PCDH7: variants seen among roughly 807,000 people sequenced by gnomAD.
PCDH7 encodes protocadherin 7.
Under a neutral mutation model 58.9 loss-of-function variants are expected in PCDH7, and 17 were observed. The observed-to-expected ratio is 0.29, with a 90% CI of 0.20 to 0.43. PCDH7 has a LOEUF of 0.43. PCDH7 is among the 20% of genes least tolerant of loss of function. The probability of loss-of-function intolerance (pLI) is 1.00; values close to 1 mark genes in which losing one functional copy is unlikely to be tolerated. For synonymous variants in PCDH7, 664 were observed against 616.4 expected, an observed-to-expected ratio of 1.08 and a Z score of -1.14; for missense variants, 1,274 against 1,441.0, an observed-to-expected ratio of 0.88 and a Z score of 1.88.
At chr4:30,851,270 G>C (rs1444911269) in intron 1 of PCDH7, among the ~76,000 whole-genome samples, 1 of 151,754 alleles carries the variant, frequency 6.6e-6, no homozygotes, top group Non-Finnish European at 1.5e-5. Flanking sequence ...ATACATTTGG[G>C]CCTGGAAATT....
At chr4:30,856,142 G>A (rs935464592) in intron 1 of PCDH7, among the ~76,000 whole-genome samples, 2 of 151,552 alleles carry the variant, frequency 1.3e-5, no homozygotes, top group African/African-American at 4.8e-5. Flanking sequence ...CCTAAATTTA[G>A]TTCATCTGAG....
intron 3 of PCDH7, among the ~76,000 whole-genome samples, chr4:31,059,448 A>G (rs1164130506): frequency 6.6e-6 from 1 of 151,978 alleles, no homozygotes; most frequent in South Asian, 2.1e-4. Flanking sequence ...GTAGAATTGT[A>G]TCAATTCAGA....
At chr4:30,922,268 G>T (rs190311248) in intron 2 of PCDH7, among the ~76,000 whole-genome samples, 1 of 151,788 alleles carries the variant, frequency 6.6e-6, no homozygotes, top group East Asian at 1.9e-4. Flanking sequence ...TAATTTAGGG[G>T]TATTACTACA....
chr4:31,055,534 T>A (rs925908952), intron 3 of PCDH7, among the ~76,000 whole-genome samples: 6 of 152,118 alleles, frequency 3.9e-5, no homozygotes, highest in African/African-American at 1.4e-4. Context: ...ACATACTAGG[T>A]CCTAGAGTTG....
intron 3 of PCDH7, among the ~76,000 whole-genome samples, chr4:31,063,478 T>G (rs961271759): frequency 6.6e-6 from 1 of 151,724 alleles, no homozygotes; most frequent in Non-Finnish European, 1.5e-5. Context: ...TGTTAGGATT[T>G]AATAAATAAT....
chr4:30,870,813 C>T (rs1735482767), intron 1 of PCDH7, among the ~76,000 whole-genome samples: 1 of 152,126 alleles, frequency 6.6e-6, no homozygotes, highest in African/African-American at 2.4e-5. Flanking sequence ...TTGGCTATGC[C>T]TCAGATTGAT....
chr4:31,122,280 T>A (rs1717783378), intron 3 of PCDH7, among the ~76,000 whole-genome samples: 1 of 152,186 alleles, frequency 6.6e-6, no homozygotes, highest in African/African-American at 2.4e-5. Flanking sequence ...AGTCCTCACT[T>A]TGACTGGACA....
chr4:30,741,072 T>C (rs1717006789), intron 1 of PCDH7, among the ~76,000 whole-genome samples: 1 of 152,188 alleles, frequency 6.6e-6, no homozygotes, highest in African/African-American at 2.4e-5. Flanking sequence ...TCTCAAAATA[T>C]GATCTTTGTA....
rs772084429 is a variant in PCDH7 at position 30,722,483 on chromosome 4, T to G, written c.1061T>G (p.Val354Gly). The change falls in exon 1 of 2, where the codon GTG becomes GGG. Residue 354 changes from valine to glycine, a missense_variant. Val to Gly is a moderately radical substitution (Grantham distance 109). Coordinates refer to ENST00000361762, the Ensembl canonical transcript of PCDH7. This position sits in a 1 kb window ranked among gnomAD's most constrained non-coding sequence, Gnocchi z 7.6. ...GTGTTCGGGGCGGCCACCGAGTCGG[T>G]GAGGCGGCTGCTGCGCCTTGACGAG... 1.9e-6 allele frequency: 3 copies of G among 1,608,832 alleles called. No homozygotes were observed. Among genetic ancestry groups the G allele is most frequent in the Non-Finnish European group, 2.5e-6 (3 of 1,178,070 alleles).
chr4:30,734,682 C>G (rs1383338729), downstream of PCDH7, among the ~76,000 whole-genome samples: 2 of 152,128 alleles, frequency 1.3e-5, no homozygotes, highest in Non-Finnish European at 2.9e-5. Flanking sequence ...GGACTGCTGT[C>G]AAGTTTTTTT....
intron 1 of PCDH7, among the ~76,000 whole-genome samples, chr4:30,883,352 C>T (rs1222352154): frequency 1.3e-5 from 2 of 152,154 alleles, no homozygotes; most frequent in Admixed American, 6.6e-5. Flanking sequence ...GAAAGCTGCA[C>T]ACTGCCTCGC....
chr4:31,006,899 A>G (rs1428179358), intron 3 of PCDH7, among the ~76,000 whole-genome samples: 1 of 138,680 alleles, frequency 7.2e-6, no homozygotes, highest in African/African-American at 3.0e-5. Flanking sequence ...TCTCAAAAAA[A>G]AAAAAAAAGA....
rs571002018 is a variant in PCDH7 at position 30,898,402 on chromosome 4, G to A, written c.71-21751G>A. ...GGCTCCACTTCTGGTAGATAGTCGA[G>A]GAGGATACAAAAACAGGAATGTGAA... On this transcript the variant is annotated intron_variant, in intron 1 of 3. Coordinates refer to the PCDH7 transcript ENST00000509759. Among the ~76,000 whole-genome samples the A allele has an allele frequency of 8.5e-5, 13 of 152,204 alleles. No homozygotes were observed. The East Asian group carries it at 2.3e-3, about 27-fold the overall frequency.
chr4:30,918,886 T>C (rs1202996911), intron 1 of PCDH7, among the ~76,000 whole-genome samples: 1 of 152,124 alleles, frequency 6.6e-6, no homozygotes, highest in Non-Finnish European at 1.5e-5. Flanking sequence ...AACTAATTTA[T>C]AAATTAGGGG....
chr4:31,084,625 G>A (rs1388685094), intron 3 of PCDH7, among the ~76,000 whole-genome samples: 1 of 145,772 alleles, frequency 6.9e-6, no homozygotes, highest in Admixed American at 7.0e-5. Context: ...GCAAAGGGAG[G>A]CAGTGTCACA....
At chr4:30,813,447 CAG>C (rs1727258160) in intron 1 of PCDH7, among the ~76,000 whole-genome samples, 1 of 152,104 alleles carries the variant, frequency 6.6e-6, no homozygotes, top group Admixed American at 6.5e-5. Flanking sequence ...ATGCTAAAGT[CAG>C]AGACTGTAGG....
chr4:31,088,968 C>T (rs1712855621), intron 3 of PCDH7, among the ~76,000 whole-genome samples: 1 of 151,996 alleles, frequency 6.6e-6, no homozygotes, highest in Admixed American at 6.6e-5. Context: ...AAATATCTTA[C>T]ACTTTAGGTA....
At chr4:30,896,111 T>C (rs1170653483) in intron 1 of PCDH7, among the ~76,000 whole-genome samples, 1 of 152,188 alleles carries the variant, frequency 6.6e-6, no homozygotes, top group East Asian at 1.9e-4. Context: ...CATATTCTAA[T>C]GGCATTTTTT....
chr4:30,794,672 CT>C (rs1553888201), intron 1 of PCDH7, among the ~76,000 whole-genome samples: 1 of 150,942 alleles, frequency 6.6e-6, no homozygotes. Flanking sequence ...CAAAGGCTCA[CT>C]TTTTTTTTAG....
Sources: gnomAD v4.1 joint callset for allele counts (sites outside exome capture counted in the v4.1 genomes callset) on GRCh38, gnomAD v4.1.1 for gene constraint, Gnocchi (gnomAD v3.1) non-coding constraint, MANE v1.5 for transcripts, NCBI Gene and HGNC (gene_info 2026-07-23, HGNC 2026-07-21) for gene names.